Variants in SHANK2 observed in about 807,000 individuals in gnomAD.
The protein encoded by SHANK2 is SH3 and multiple ankyrin repeat domains 2, also known as SH3 and multiple ankyrin repeat domains protein 2.
Under a neutral mutation model 133.7 loss-of-function variants are expected in SHANK2, and 43 were observed. The ratio of observed to expected loss-of-function variants is 0.32; its 90% CI spans 0.25 to 0.41. SHANK2 has a LOEUF of 0.41. Among genes scored for constraint, SHANK2 ranks in the 10% least tolerant of loss-of-function variants. SHANK2 has a pLI of 1.00. For synonymous variants in SHANK2, 1,017 were observed against 952.8 expected, an observed-to-expected ratio of 1.07 and a Z score of -1.24; for missense variants, 1,994 against 2,235.8, an observed-to-expected ratio of 0.89 and a Z score of 2.18.
At chr11:70,517,993 A>AT (rs1180143422) in intron 17 of SHANK2, among the ~76,000 whole-genome samples, 2 of 152,156 alleles carry the variant, frequency 1.3e-5, no homozygotes, top group African/African-American at 4.8e-5. Flanking sequence ...CTTTTCACTC[A>AT]TTTTTCCCCA....
At chr11:70,847,244 G>A (rs1359834166) in intron 11 of SHANK2, among the ~76,000 whole-genome samples, 18 of 152,148 alleles carry the variant, frequency 1.2e-4, no homozygotes, top group Admixed American at 7.2e-4. Context: ...ATGGCACCCC[G>A]CGGGAGGCCG....
chr11:70,819,236 G>A (rs1555055184), intron 12 of SHANK2, among the ~76,000 whole-genome samples: 1 of 152,244 alleles, frequency 6.6e-6, no homozygotes, highest in Non-Finnish European at 1.5e-5. Flanking sequence ...AGAGCCAGGG[G>A]CCTGTGCCGA....
rs543828020 is a variant in SHANK2, at chr11:70,820,452, G to A, written c.1405C>T (p.Pro469Ser). ...GAAKTIGSYV[P>S]GPRSRSPSLN... Reference sequence around the variant, plus strand: ...GATGGGGACCGGCTGCGGGGCCCGGGCACGTAGCTCCCAATGGTCTTCGCG... The same window carrying A: ...GATGGGGACCGGCTGCGGGGCCCGGACACGTAGCTCCCAATGGTCTTCGCG... Residue 469 changes from proline to serine, a missense_variant, in exon 12 of 26, where the codon CCC becomes TCC. By Grantham distance (74) the Pro-to-Ser change is moderately conservative. Transcript: ENST00000601538. 8 of 714,232 alleles carry A rather than the reference G, an allele frequency of 1.1e-5. No individual in the cohort carries two copies. Among genetic ancestry groups the A allele is most frequent in the African/African-American group, 1.0e-4 (6 of 57,304 alleles). The allele number at this position is 714,232 out of a possible 1,614,324, so 44.2% of individuals were successfully genotyped here. A position where few individuals can be genotyped will look rare whatever the true frequency, so the allele number is the denominator to read the frequency against.
intron 6 of SHANK2, among the ~76,000 whole-genome samples, chr11:71,106,492 A>T (rs1345168455): frequency 1.3e-5 from 2 of 152,196 alleles, no homozygotes; most frequent in African/African-American, 2.4e-5. Context: ...ATATTTCAGA[A>T]CATTCATAAG....
rs1270692067 is a variant in SHANK2 at position 70,740,440 on chromosome 11, C to T, written c.1778-41677G>A. Among the ~76,000 whole-genome samples the T allele has an allele frequency of 2.6e-5, 4 of 152,116 alleles. No individual in the cohort carries two copies. In the South Asian group the frequency reaches 8.3e-4, roughly 32 times the overall value. On this transcript the variant is annotated intron_variant, in intron 14 of 25. Transcript: ENST00000601538. ...GGCCTGAGATTCCCCTAGGCTGGGA[C>T]CACCCACCCTCCACCTTGAGTTCCT...
chr11:70,825,752 C>T (rs1330801083), intron 11 of SHANK2, among the ~76,000 whole-genome samples: 5 of 150,568 alleles, frequency 3.3e-5, no homozygotes, highest in Non-Finnish European at 7.4e-5. Flanking sequence ...AACTCTCTAA[C>T]TGGAACCATC....
At chr11:70,871,635 T>A (rs1021389573) in intron 11 of SHANK2, among the ~76,000 whole-genome samples, 2 of 152,196 alleles carry the variant, frequency 1.3e-5, no homozygotes, top group Non-Finnish European at 2.9e-5. Context: ...ATTATAAATA[T>A]GACCATATCC....
intron 25 of SHANK2, among the ~76,000 whole-genome samples, chr11:70,478,951 T>C (rs932775070): frequency 2.6e-5 from 4 of 152,316 alleles, no homozygotes; most frequent in African/African-American, 9.6e-5. Context: ...ATCAAGAAGG[T>C]GCCCACCTCT....
chr11:71,144,684 G>C (rs56035448), intron 3 of SHANK2, among the ~76,000 whole-genome samples: 33,479 of 151,974 alleles, frequency 0.22, 3,940 homozygotes, highest in South Asian at 0.31. Context: ...TAACAAGAAA[G>C]AAAAAAAATT....
intron 6 of SHANK2, among the ~76,000 whole-genome samples, chr11:71,107,019 G>A (rs1951812137): frequency 6.6e-6 from 1 of 152,166 alleles, no homozygotes; most frequent in Non-Finnish European, 1.5e-5. Flanking sequence ...GAGGGCTGAG[G>A]TGGGAGGATC....
At chr11:70,852,912 G>C (rs1397133635) in intron 11 of SHANK2, among the ~76,000 whole-genome samples, 1 of 152,230 alleles carries the variant, frequency 6.6e-6, no homozygotes, top group Non-Finnish European at 1.5e-5. Context: ...CAGGGGAGGG[G>C]TTGCCTTGGC....
chr11:70,577,446 C>T (rs2060129633), intron 17 of SHANK2, among the ~76,000 whole-genome samples: 1 of 152,208 alleles, frequency 6.6e-6, no homozygotes, highest in African/African-American at 2.4e-5. Flanking sequence ...TTCCCTGAGC[C>T]TCAATTCCAC....
At chr11:71,215,417 T>C (rs1186243574) in intron 2 of SHANK2, among the ~76,000 whole-genome samples, 1 of 152,136 alleles carries the variant, frequency 6.6e-6, no homozygotes, top group Admixed American at 6.5e-5. Context: ...TCTGCCCTGG[T>C]CACCCCTGGC....
At position 70,804,500 on chromosome 11, in the gene SHANK2, C is replaced by A. The variant is rs1948119405; in HGVS notation, c.1663+2502G>T. ...AACCGAGCTCTGTCATTTCTGTTCT[C>A]CCTGGGAGAAAGGCCCAGCTCCCCG... On this transcript the variant is annotated intron_variant, in intron 13 of 25. Transcript: ENST00000601538. The surrounding 1 kb of genome is among the most constrained non-coding windows in gnomAD (Gnocchi z 4.1). Among the ~76,000 whole-genome samples the A allele has an allele frequency of 6.6e-6, 1 of 152,142 alleles. No homozygotes were observed. Among genetic ancestry groups the A allele is most frequent in the South Asian group, 2.1e-4 (1 of 4,816 alleles).
intron 17 of SHANK2, among the ~76,000 whole-genome samples, chr11:70,556,453 T>C (rs1325974412): frequency 6.6e-6 from 1 of 152,014 alleles, no homozygotes; most frequent in African/African-American, 2.4e-5. Flanking sequence ...TCTTGCTCTG[T>C]TGCCCAGGCT....
intron 14 of SHANK2, among the ~76,000 whole-genome samples, chr11:70,722,807 A>T (rs1196526234): frequency 6.6e-6 from 1 of 152,226 alleles, no homozygotes; most frequent in East Asian, 1.9e-4. Context: ...AGACTTATTA[A>T]AAGAATCTCT....
At chr11:70,747,804 TTG>T (rs1946672001) in intron 14 of SHANK2, among the ~76,000 whole-genome samples, 1 of 152,254 alleles carries the variant, frequency 6.6e-6, no homozygotes, top group Admixed American at 6.5e-5. Context: ...GTGTGCATGT[TTG>T]TGAGTGTCCA....
In SHANK2 at chr11:70,851,825, G is replaced by A. The variant is rs554988534; in HGVS notation, c.1175-31143C>T. ...AGCTTGGGGTCCAGTTGGACCATGC[G>A]TGGAGGTTCAAACTCTTGCTAATCA... On this transcript the variant is annotated intron_variant, in intron 11 of 25. Transcript: ENST00000601538. 7.9e-5 allele frequency among the ~76,000 whole-genome samples: 12 copies of A among 152,306 alleles called. No individual in the cohort carries two copies. In the East Asian group the frequency reaches 9.6e-4, roughly 12 times the overall value.
At chr11:70,770,863 C>G (rs1947232999) in intron 14 of SHANK2, among the ~76,000 whole-genome samples, 1 of 150,894 alleles carries the variant, frequency 6.6e-6, no homozygotes, top group South Asian at 2.1e-4. Flanking sequence ...TCTGCAGGAC[C>G]CTGGTAGTCA....
Sources: allele counts gnomAD v4.1 joint callset (sites outside exome capture counted in the v4.1 genomes callset), GRCh38; gene constraint gnomAD v4.1.1; non-coding constraint Gnocchi (gnomAD v3.1); transcripts MANE v1.5; gene names NCBI Gene and HGNC (gene_info 2026-07-23, HGNC 2026-07-21).